The following MCC variants were observed in gnomAD, a reference collection of about 807,000 sequenced individuals.
The protein encoded by MCC is colorectal mutant cancer protein.
In MCC, 90 loss-of-function variants were observed where a neutral mutation model predicts 116.2. The observed-to-expected ratio is 0.77, with a 90% CI of 0.65 to 0.92. The LOEUF (loss-of-function observed/expected upper bound fraction) is 0.92. Among genes scored for constraint, MCC ranks in the 40% least tolerant of loss-of-function variants. The pLI, the probability that MCC is intolerant of heterozygous loss-of-function variation, is 0.00. For missense variants in MCC, 1,516 were observed against 1,312.2 expected, an observed-to-expected ratio of 1.16 and a Z score of -2.40; for synonymous variants, 578 against 510.5, an observed-to-expected ratio of 1.13 and a Z score of -1.78.
intron 1 of MCC, among the ~76,000 whole-genome samples, chr5:113,486,287 G>A (rs1206746746): frequency 6.6e-6 from 1 of 152,142 alleles, no homozygotes; most frequent in African/African-American, 2.4e-5. Context: ...AAGTAATGCA[G>A]CTCAAGGAAT....
intron 16 of MCC, among the ~76,000 whole-genome samples, chr5:113,046,685 CAAAA>C (rs151183145): frequency 0.56 from 32,430 of 58,312 alleles, 8,752 homozygotes; most frequent in East Asian, 0.72. Flanking sequence ...ACTCAAAAGG[CAAAA>C]AAAAAAAAAA....
At chr5:113,155,889 T>C (rs1268058071) in intron 3 of MCC, among the ~76,000 whole-genome samples, 1 of 152,208 alleles carries the variant, frequency 6.6e-6, no homozygotes, top group East Asian at 1.9e-4. Context: ...TTCAGTGTAG[T>C]TTGCGCTAGG....
At chr5:113,356,954 G>C (rs1222543802) in intron 2 of MCC, among the ~76,000 whole-genome samples, 1 of 152,116 alleles carries the variant, frequency 6.6e-6, no homozygotes, top group Non-Finnish European at 1.5e-5. Context: ...TTTTAGAAGA[G>C]GACATTTTCT....
Position 113,331,423 on chromosome 5 carries a change from A to G in MCC, c.627+9096T>C, listed in dbSNP as rs147408255. On this transcript the variant is annotated intron_variant, in intron 3 of 18. Transcript: ENST00000408903. ...CTCTAGACCAGGACAGGGGTATAGTAGTGTTAGTAGCGGATGTCAGGAAAT... is the reference window on the plus strand; with the variant it reads ...CTCTAGACCAGGACAGGGGTATAGTGGTGTTAGTAGCGGATGTCAGGAAAT... Among the ~76,000 whole-genome samples, 185 of 151,652 alleles carry G rather than the reference A, an allele frequency of 1.2e-3. 8 individuals carry two copies. Among genetic ancestry groups the G allele is most frequent in the African/African-American group, 4.2e-3 (171 of 40,990 alleles).
intron 3 of MCC, among the ~76,000 whole-genome samples, chr5:113,248,825 CTCTCT>C (rs937552469): frequency 7.3e-5 from 10 of 136,346 alleles, no homozygotes; most frequent in South Asian, 2.3e-4. Flanking sequence ...CTCATTCTCT[CTCTCT>C]TCTTTTTTTT....
chr5:113,101,725 T>G lies in MCC; in HGVS notation c.1398+14A>C. The G allele has an allele frequency of 1.2e-6, 2 of 1,612,516 alleles. No individual in the cohort carries two copies. The highest frequency in any genetic ancestry group is 1.7e-6 in the Non-Finnish European group (2 of 1,179,982). The stretch of plus-strand genomic sequence containing the variant: ...CCAGGAAGGGCCTGACCATTATGGA[T>G]GCAGCATGCTCACCCTCCTCCGGAG... On this transcript the variant is annotated intron_variant, in intron 8 of 18. Coordinates refer to ENST00000408903, the MANE Select transcript of MCC (RefSeq NM_001085377.2).
At chr5:113,376,880 C>T (rs899743576) in intron 2 of MCC, among the ~76,000 whole-genome samples, 4 of 152,090 alleles carry the variant, frequency 2.6e-5, no homozygotes, top group African/African-American at 4.8e-5. Context: ...TTCTTATAGT[C>T]TGAGTGACTT....
chr5:113,462,250 C>G (rs1771763979), intron 1 of MCC, among the ~76,000 whole-genome samples: 1 of 152,234 alleles, frequency 6.6e-6, no homozygotes, highest in Non-Finnish European at 1.5e-5. Flanking sequence ...CCACTTTCTA[C>G]TTTTGTTTCT....
At chr5:113,305,218 G>C (rs1329891256) in intron 3 of MCC, among the ~76,000 whole-genome samples, 1 of 152,110 alleles carries the variant, frequency 6.6e-6, no homozygotes, top group Non-Finnish European at 1.5e-5. Context: ...CATGAAGAAT[G>C]GGCTCCTGCC....
intron 3 of MCC, among the ~76,000 whole-genome samples, chr5:113,235,883 T>C (rs1299579500): frequency 2.0e-5 from 3 of 152,338 alleles, no homozygotes; most frequent in Admixed American, 6.5e-5. Flanking sequence ...TCTGAACATA[T>C]ATCTATTCTG....
At chr5:113,355,752 C>G (rs913442245) in intron 2 of MCC, among the ~76,000 whole-genome samples, 3 of 152,042 alleles carry the variant, frequency 2.0e-5, no homozygotes, top group African/African-American at 7.2e-5. Context: ...CATCATAAGG[C>G]TCCACCCCAC....
intron 6 of MCC, among the ~76,000 whole-genome samples, chr5:113,117,603 T>C (rs552341053): frequency 6.6e-6 from 1 of 152,226 alleles, no homozygotes. Context: ...ACAGAATGCT[T>C]CACTGGCTGT....
intron 1 of MCC, among the ~76,000 whole-genome samples, chr5:113,473,379 C>T (rs1038646834): frequency 4.6e-5 from 7 of 151,968 alleles, no homozygotes; most frequent in Non-Finnish European, 8.8e-5. Flanking sequence ...TTTAAATTAG[C>T]TGGGCATGGG....
chr5:113,272,623 G>A (rs532724396), intron 3 of MCC, among the ~76,000 whole-genome samples: 9 of 152,002 alleles, frequency 5.9e-5, no homozygotes, highest in East Asian at 3.8e-4. Flanking sequence ...ATATGTTTCC[G>A]CTTCCAACAG....
intron 1 of MCC, among the ~76,000 whole-genome samples, chr5:113,475,135 GGT>G (rs1385806421): frequency 1.1e-4 from 17 of 152,164 alleles, no homozygotes; most frequent in African/African-American, 4.1e-4. Context: ...ATAGACAACA[GGT>G]GTACTAAACA....
chr5:113,160,982 A>C (rs1236170006), intron 3 of MCC, among the ~76,000 whole-genome samples: 2 of 152,204 alleles, frequency 1.3e-5, no homozygotes, highest in Non-Finnish European at 2.9e-5. Context: ...GATCTTTAAA[A>C]ATTAAAAATC....
intron 3 of MCC, among the ~76,000 whole-genome samples, chr5:113,256,210 A>G (rs1207156071): frequency 6.6e-6 from 1 of 152,214 alleles, no homozygotes; most frequent in African/African-American, 2.4e-5. Context: ...TTCTGTTTCT[A>G]TCCAAGAGGA....
chr5:113,272,074 T>C (rs778791932), intron 3 of MCC, among the ~76,000 whole-genome samples: 2 of 152,200 alleles, frequency 1.3e-5, no homozygotes, highest in Non-Finnish European at 2.9e-5. Context: ...GCATTAAAAA[T>C]TGGAGATTGT....
At chr5:113,129,990 T>A (rs1263186718) in intron 5 of MCC, among the ~76,000 whole-genome samples, 1 of 152,212 alleles carries the variant, frequency 6.6e-6, no homozygotes, top group Non-Finnish European at 1.5e-5. Context: ...ACTGGGTATA[T>A]ACCCAAAGGA....
Sources: gnomAD v4.1 joint callset for allele counts (sites outside exome capture counted in the v4.1 genomes callset) on GRCh38, gnomAD v4.1.1 for gene constraint, MANE v1.5 for transcripts, NCBI Gene and HGNC (gene_info 2026-07-23, HGNC 2026-07-21) for gene names.